ACSM2B: variants seen among roughly 807,000 people sequenced by gnomAD.
The protein encoded by ACSM2B is acyl-CoA synthetase medium chain family member 2B.
Under a neutral mutation model 78.6 loss-of-function variants are expected in ACSM2B, and 58 were observed. The ratio of observed to expected loss-of-function variants is 0.74; its 90% confidence interval spans 0.60 to 0.92. The LOEUF (loss-of-function observed/expected upper bound fraction) is 0.92. Ranked by LOEUF, ACSM2B falls within the 40% of genes least tolerant of loss-of-function variation. The probability of loss-of-function intolerance (pLI) is 0.00; values close to 1 mark genes in which losing one functional copy is unlikely to be tolerated. For synonymous variants in ACSM2B, 257 were observed against 256.8 expected, an observed-to-expected ratio of 1.00 and a Z score of -0.01; for missense variants, 688 against 711.2, an observed-to-expected ratio of 0.97 and a Z score of 0.37.
chr16:20,547,445 T>C, intron 8 of ACSM2B: 1 of 984,036 alleles, frequency 1.0e-6, no homozygotes, highest in Non-Finnish European at 1.2e-6. Context: ...AGGCAAGAAG[T>C]GCTGAGAGTC....
At chr16:20,537,509 G>A in intron 13 of ACSM2B, 147 bp from the exon 14 acceptor site, 1 of 804,416 alleles carries the variant, frequency 1.2e-6, no homozygotes, top group Non-Finnish European at 2.1e-6. Context: ...TTCAGAAGGT[G>A]CTCTGGGATG....
intron 1 of ACSM2B, among the ~76,000 whole-genome samples, chr16:20,568,227 T>C (rs1444476516): frequency 1.4e-5 from 2 of 144,662 alleles, no homozygotes; most frequent in Non-Finnish European, 3.0e-5. Context: ...AAATGTATTT[T>C]ATATGTTTTA....
rs760926564 is a variant in ACSM2B at position 20,564,669 on chromosome 16, C to G, written c.177G>C (p.Lys59Asn). The G allele has an allele frequency of 3.1e-6, 5 of 1,613,614 alleles. No homozygotes were observed. The highest frequency in any genetic ancestry group is 2.2e-5 in the East Asian group (1 of 44,876). The change falls in exon 2 of 14, where the codon AAG becomes AAC. Residue 59 changes from lysine (K) to asparagine (N), a missense_variant and splice_region_variant. By Grantham distance (94) the Lys-to-Asn change is moderately conservative (BLOSUM62 0). Coordinates refer to ENST00000329697, the MANE Select transcript of ACSM2B (RefSeq NM_001105069.2). ...DVLDHWADME[K>N]AGKRLPSPAL... ...CTGTGCCTCTTTTCCATCCCATTACCTTCTCCATGTCAGCCCAGTGATCCA... is the reference window on the plus strand; with the variant it reads ...CTGTGCCTCTTTTCCATCCCATTACGTTCTCCATGTCAGCCCAGTGATCCA...
chr16:20,563,013 A>G (rs1248475146), intron 2 of ACSM2B, among the ~76,000 whole-genome samples: 1 of 152,166 alleles, frequency 6.6e-6, no homozygotes, highest in African/African-American at 2.4e-5. Context: ...CCAACCAATC[A>G]GTAGCACCCA....
intron 10 of ACSM2B, chr16:20,544,620 G>A: frequency 5.1e-6 from 5 of 985,316 alleles, no homozygotes; most frequent in Non-Finnish European, 6.0e-6. Flanking sequence ...ACTTTCTAAT[G>A]GTTGTGAGCT....
At chr16:20,561,132 A>G (rs2015641473) in intron 2 of ACSM2B, among the ~76,000 whole-genome samples, 1 of 152,140 alleles carries the variant, frequency 6.6e-6, no homozygotes. Context: ...GACATATGTT[A>G]CATGCATAAA....
At chr16:20,537,410 G>C in intron 13 of ACSM2B, 48 bp from the exon 14 acceptor site, 1 of 1,604,716 alleles carries the variant, frequency 6.2e-7, no homozygotes, top group Non-Finnish European at 8.5e-7. Context: ...TGATGACAGT[G>C]GGTTGCATTT....
intron 4 of ACSM2B, chr16:20,554,327 G>A: frequency 2.8e-6 from 1 of 363,332 alleles, no homozygotes; most frequent in Non-Finnish European, 5.2e-6. Context: ...GACAGGAGGG[G>A]TGGAATTAAT....
At chr16:20,572,200 A>G (rs2016110358) in intron 1 of ACSM2B, among the ~76,000 whole-genome samples, 2 of 149,870 alleles carry the variant, frequency 1.3e-5, no homozygotes, top group African/African-American at 2.5e-5. Flanking sequence ...AAAAGGTTCT[A>G]TTTTGATGTG....
chr16:20,553,472 C>T (rs2015378208), intron 5 of ACSM2B, among the ~76,000 whole-genome samples: 1 of 152,172 alleles, frequency 6.6e-6, no homozygotes, highest in African/African-American at 2.4e-5. Context: ...GCCAGCATCC[C>T]AAAGAACAAC....
intron 6 of ACSM2B, among the ~76,000 whole-genome samples, chr16:20,550,148 A>G (rs1272841780): frequency 1.3e-5 from 2 of 152,170 alleles, no homozygotes; most frequent in African/African-American, 4.8e-5. Context: ...GTCCATTCAG[A>G]TGGTTGGGAG....
rs374076471 is a variant in ACSM2B at position 20,546,638 on chromosome 16, T to C, written c.1099-164A>G. 2,319 of 1,286,074 alleles carry C rather than the reference T, an allele frequency of 1.8e-3. 23 individuals carry two copies. In the African/African-American group the frequency reaches 0.025, roughly 14 times the overall value. The allele number at this position is 1,286,074 out of a possible 1,614,324, so 79.7% of individuals were successfully genotyped here. On this transcript the variant is annotated intron_variant, in intron 8 of 13. Coordinates refer to ENST00000329697, the MANE Select transcript of ACSM2B (RefSeq NM_001105069.2). ...CCTGGCTCTCTCCCCATTACTGGAATCACAATCCTAGGGGCCTCACTAAAT... is the reference window on the plus strand; with the variant it reads ...CCTGGCTCTCTCCCCATTACTGGAACCACAATCCTAGGGGCCTCACTAAAT...
At chr16:20,569,027 G>C (rs2016016641) in intron 1 of ACSM2B, among the ~76,000 whole-genome samples, 1 of 151,746 alleles carries the variant, frequency 6.6e-6, no homozygotes, top group Admixed American at 6.6e-5. Flanking sequence ...TGTTTACTTT[G>C]CTGACTGTTC....
intron 2 of ACSM2B, among the ~76,000 whole-genome samples, chr16:20,560,911 T>G (rs2015633788): frequency 6.6e-6 from 1 of 152,092 alleles, no homozygotes; most frequent in Non-Finnish European, 1.5e-5. Flanking sequence ...TCCTCCTTCC[T>G]ATATTTTAGC....
At position 20,562,710 on chromosome 16, in the gene ACSM2B, A is replaced by G. The variant is rs141286939; in HGVS notation, c.177+1959T>C. On this transcript the variant is annotated intron_variant, in intron 2 of 13. Transcript: ENST00000329697. ...CTCAATTCTGCTAAGCTATAAGCAT[A>G]GTTAAGCAATAACCAGCCATTGTTC... 4.9e-3 allele frequency among the ~76,000 whole-genome samples: 747 copies of G among 152,312 alleles called. 10 individuals carry two copies. The highest frequency in any genetic ancestry group is 0.033 in the South Asian group (158 of 4,816).
At position 20,548,089 on chromosome 16, in the gene ACSM2B, G is replaced by A. The variant is rs1244524196; in HGVS notation, c.1071C>T (p.Ile357=). 7 of 1,614,046 alleles carry A rather than the reference G, an allele frequency of 4.3e-6. No individual in the cohort carries two copies. The African/African-American group carries it at 9.3e-5, about 22-fold the overall frequency. ...TTTCTGTCTGGCCATAGAATTCTCGGATGTCCAGTCCTGTCTGGGCCCTCC... is the reference window on the plus strand; with the variant it reads ...TTTCTGTCTGGCCATAGAATTCTCGAATGTCCAGTCCTGTCTGGGCCCTCC... The part of the protein sequence containing the change: ...ENWRAQTGLD[I]REFYGQTETG... Residue 357 remains isoleucine, a synonymous_variant, in exon 8 of 14, where the codon ATC becomes ATT. Transcript: ENST00000329697.
At chr16:20,544,136 G>C (rs1010397306) in intron 10 of ACSM2B, among the ~76,000 whole-genome samples, 1 of 152,160 alleles carries the variant, frequency 6.6e-6, no homozygotes, top group Non-Finnish European at 1.5e-5. Context: ...TACTTCACTG[G>C]CATTTGAGAA....
chr16:20,573,118 T>C (rs2016138375), intron 1 of ACSM2B, among the ~76,000 whole-genome samples: 1 of 151,692 alleles, frequency 6.6e-6, no homozygotes, highest in Non-Finnish European at 1.5e-5. Context: ...AGTGTGATTT[T>C]TGGGGGGAGG....
chr16:20,556,127 AATG>A (rs1271830304), intron 3 of ACSM2B, among the ~76,000 whole-genome samples: 1 of 152,032 alleles, frequency 6.6e-6, no homozygotes, highest in Non-Finnish European at 1.5e-5. Context: ...TTTTGCTCTT[AATG>A]ATACTGAAAT....
Sources: gnomAD v4.1 joint callset for allele counts (sites outside exome capture counted in the v4.1 genomes callset) on GRCh38, gnomAD v4.1.1 for gene constraint, MANE v1.5 for transcripts, NCBI Gene and HGNC (gene_info 2026-07-23, HGNC 2026-07-21) for gene names.